DLGAP2: variants seen among roughly 807,000 people sequenced by gnomAD.
DLGAP2 encodes disks large-associated protein 2.
DLGAP2 carries 26 observed loss-of-function variants against 100.3 expected under a neutral mutation model. The observed-to-expected ratio is 0.26, with a 90% CI of 0.19 to 0.36. DLGAP2 has a LOEUF of 0.36. Ranked by LOEUF, DLGAP2 falls within the 10% of genes least tolerant of loss-of-function variation. DLGAP2 has a pLI of 1.00. For synonymous variants in DLGAP2, 886 were observed against 630.1 expected (o/e 1.41, Z -6.08); for missense variants, 1,858 against 1,453.2 (o/e 1.28, Z -4.53).
rs1424985939 is a variant in DLGAP2 at position 787,693 on chromosome 8, C to T, written c.18+49868C>T. Among the ~76,000 whole-genome samples, 6 of 152,220 alleles carry T rather than the reference C, an allele frequency of 3.9e-5. 1 individual carries two copies. The South Asian group carries it at 1.2e-3, about 31-fold the overall frequency. On this transcript the variant is annotated intron_variant, in intron 1 of 14. Transcript: ENST00000637795. ...CCGGGCCCCCTTGCCAAATGGCTTT[C>T]TCAGCATCCCAGATCACCCTGGGGG...
intron 6 of DLGAP2, among the ~76,000 whole-genome samples, chr8:1,624,179 G>A (rs1264388363): frequency 1.3e-5 from 2 of 152,230 alleles, no homozygotes; most frequent in African/African-American, 2.4e-5. Context: ...CAAAACGGTG[G>A]TGTTAATCAG....
At chr8:1,649,186 A>C (rs1798108637) in intron 8 of DLGAP2, among the ~76,000 whole-genome samples, 1 of 152,224 alleles carries the variant, frequency 6.6e-6, no homozygotes, top group Admixed American at 6.5e-5. Context: ...ATATATCAAA[A>C]ATATTTTTAA....
intron 3 of DLGAP2, among the ~76,000 whole-genome samples, chr8:1,421,493 G>T (rs145170069): frequency 6.6e-6 from 1 of 152,134 alleles, no homozygotes; most frequent in Non-Finnish European, 1.5e-5. Context: ...TTCATGCTAC[G>T]TACTCAGCCT....
intron 2 of DLGAP2, among the ~76,000 whole-genome samples, chr8:1,235,461 C>G (rs888360658): frequency 6.6e-6 from 1 of 152,170 alleles, no homozygotes; most frequent in Admixed American, 6.5e-5. Context: ...AGTTCCCTCT[C>G]ACATGTTGCC....
chr8:1,436,503 C>G (rs1478439206), intron 3 of DLGAP2, among the ~76,000 whole-genome samples: 2 of 152,202 alleles, frequency 1.3e-5, no homozygotes, highest in East Asian at 3.9e-4. Context: ...TGTTAATCTC[C>G]TTTGGAAACA....
intron 2 of DLGAP2, among the ~76,000 whole-genome samples, chr8:920,294 G>A (rs1798681449): frequency 1.3e-5 from 2 of 152,216 alleles, no homozygotes. Context: ...CAGGTGTGTG[G>A]TATAAACCAT....
At chr8:1,657,984 C>T (rs574218452) in intron 8 of DLGAP2, among the ~76,000 whole-genome samples, 23 of 152,120 alleles carry the variant, frequency 1.5e-4, no homozygotes, top group African/African-American at 5.1e-4. Flanking sequence ...AGCAGATCGC[C>T]CAAAAGAAAG....
intron 2 of DLGAP2, among the ~76,000 whole-genome samples, chr8:1,185,637 A>G (rs984644929): frequency 6.6e-6 from 1 of 152,084 alleles, no homozygotes; most frequent in East Asian, 1.9e-4. Context: ...GGACCACACA[A>G]TTCCAAAAGC....
intron 1 of DLGAP2, among the ~76,000 whole-genome samples, chr8:888,250 TATAA>T (rs1233816183): frequency 3.3e-5 from 5 of 152,242 alleles, no homozygotes; most frequent in Admixed American, 6.5e-5. Context: ...TATGTTCCTT[TATAA>T]ATAGTTATTC....
intron 3 of DLGAP2, among the ~76,000 whole-genome samples, chr8:1,469,816 C>A (rs1201095365): frequency 6.6e-6 from 1 of 152,148 alleles, no homozygotes; most frequent in East Asian, 1.9e-4. Flanking sequence ...CCATGTATGA[C>A]CCTCGATTAT....
chr8:1,258,091 C>T (rs1799267038), intron 2 of DLGAP2, among the ~76,000 whole-genome samples: 1 of 152,212 alleles, frequency 6.6e-6, no homozygotes, highest in East Asian at 1.9e-4. Context: ...GAGCCAAGTT[C>T]ATAGTCACTC....
intron 12 of DLGAP2, among the ~76,000 whole-genome samples, chr8:1,685,952 A>C (rs933560428): frequency 1.8e-4 from 28 of 152,184 alleles, no homozygotes; most frequent in African/African-American, 6.8e-4. Flanking sequence ...GTGCGGAGTA[A>C]GGGGAAAGCT....
chr8:1,012,600 C>T (rs1253669993), intron 2 of DLGAP2, among the ~76,000 whole-genome samples: 7 of 133,596 alleles, frequency 5.2e-5, no homozygotes, highest in Admixed American at 7.6e-5. Flanking sequence ...GTGTGGACAC[C>T]GTCTGACCGG....
chr8:1,227,860 T>G (rs917536329), intron 2 of DLGAP2, among the ~76,000 whole-genome samples: 1 of 152,198 alleles, frequency 6.6e-6, no homozygotes, highest in African/African-American at 2.4e-5. Context: ...AAAATTGAAC[T>G]GTATTTGGAA....
At chr8:937,564 A>G (rs982232071) in intron 2 of DLGAP2, among the ~76,000 whole-genome samples, 1 of 152,126 alleles carries the variant, frequency 6.6e-6, no homozygotes, top group Non-Finnish European at 1.5e-5. Context: ...TCAGAGAGAG[A>G]GCAATCTTTC....
chr8:852,755 C>G lies in DLGAP2; in HGVS notation c.19-55157C>G, dbSNP rs73673022. 4.0e-3 allele frequency among the ~76,000 whole-genome samples: 614 copies of G among 152,304 alleles called. 9 individuals are homozygous for G. The highest frequency in any genetic ancestry group is 0.013 in the African/African-American group (557 of 41,568). ...AACCCAGCAAGGCTGAGTGCATTCT[C>G]GGGCGAGTGTTTCCTTGGGAAATCT... On this transcript the variant is annotated intron_variant, in intron 1 of 14. Transcript: ENST00000637795.
chr8:1,619,611 C>G (rs1481381288), intron 6 of DLGAP2: 4 of 152,202 alleles, frequency 2.6e-5, no homozygotes, highest in Admixed American at 6.5e-5. Flanking sequence ...CAATACAGGT[C>G]TTGCAAGGAC....
chr8:1,566,702 G>C (rs541604233), intron 6 of DLGAP2, among the ~76,000 whole-genome samples: 2 of 152,238 alleles, frequency 1.3e-5, no homozygotes, highest in East Asian at 3.9e-4. Flanking sequence ...TGGGCCACAG[G>C]GCCCTCCCTG....
At chr8:1,025,170 CTTAA>C (rs752587564) in intron 2 of DLGAP2, among the ~76,000 whole-genome samples, 4 of 152,012 alleles carry the variant, frequency 2.6e-5, no homozygotes, top group Non-Finnish European at 5.9e-5. Flanking sequence ...GTGTGTGTGT[CTTAA>C]TTAGTTGCAT....
Sources: allele counts gnomAD v4.1 joint callset (sites outside exome capture counted in the v4.1 genomes callset), GRCh38; gene constraint gnomAD v4.1.1; transcripts MANE v1.5; gene names NCBI Gene and HGNC (gene_info 2026-07-23, HGNC 2026-07-21).